EYA2: variants seen among roughly 807,000 people sequenced by gnomAD.
EYA2 encodes protein phosphatase EYA2.
A neutral mutation model predicts 69.2 loss-of-function variants in EYA2; 31 were observed. The ratio of observed to expected loss-of-function variants is 0.45; its 90% CI spans 0.34 to 0.60. The LOEUF is 0.60. EYA2 is among the 20% of genes least tolerant of loss of function. The pLI, the probability that EYA2 is intolerant of heterozygous loss-of-function variation, is 0.02. For synonymous variants in EYA2, 257 were observed against 279.4 expected (o/e 0.92, Z 0.80); for missense variants, 622 against 701.2 (o/e 0.89, Z 1.28).
intron 1 of EYA2, among the ~76,000 whole-genome samples, chr20:46,946,859 T>C (rs1978490907): frequency 6.6e-6 from 1 of 151,496 alleles, no homozygotes; most frequent in East Asian, 2.0e-4. Flanking sequence ...GAGTCAGTTC[T>C]TCTTACTGCA....
At chr20:46,907,495 G>C (rs560455058) in intron 1 of EYA2, among the ~76,000 whole-genome samples, 2 of 152,188 alleles carry the variant, frequency 1.3e-5, no homozygotes, top group Non-Finnish European at 2.9e-5. Flanking sequence ...CTTTCAAGAC[G>C]AGTGAGGGAT....
chr20:47,074,396 G>A (rs1216640215), intron 7 of EYA2, 61 bp downstream of exon 7: 1 of 1,551,570 alleles, frequency 6.4e-7, no homozygotes, highest in African/African-American at 1.4e-5. Flanking sequence ...TATGAAGGAG[G>A]GACCCGCACA....
intron 5 of EYA2, among the ~76,000 whole-genome samples, chr20:47,068,506 G>A (rs8122313): frequency 0.39 from 58,896 of 152,042 alleles, 12,567 homozygotes; most frequent in African/African-American, 0.58. Context: ...TGTGTACTAG[G>A]ATCTCCCAGA....
At chr20:47,056,415 T>A (rs892619206) in intron 5 of EYA2, among the ~76,000 whole-genome samples, 8 of 152,158 alleles carry the variant, frequency 5.3e-5, no homozygotes, top group East Asian at 1.9e-4. Context: ...TGAATTTTTT[T>A]AAATGACAAA....
rs1373137596 is a variant in EYA2, at chr20:46,904,932, A to T, written c.-11+9945A>T. ...TTCACAAAATAGAGACAGTCCTCCT[A>T]CTGCATAAAGTGGTGGTGGGAGTCT... On this transcript the variant is annotated intron_variant, in intron 1 of 15. Transcript: ENST00000327619. Among the ~76,000 whole-genome samples the T allele has an allele frequency of 9.8e-5, 15 of 152,300 alleles. No homozygotes were observed. In the East Asian group the frequency reaches 2.7e-3, roughly 27 times the overall value.
intron 1 of EYA2, among the ~76,000 whole-genome samples, chr20:46,984,035 T>C (rs553889917): frequency 3.3e-5 from 5 of 152,174 alleles, no homozygotes; most frequent in Non-Finnish European, 7.3e-5. Context: ...GTTTAATACA[T>C]ATTAGGAAAA....
chr20:46,987,978 A>ATATATATATATATATATATATATATATG (rs1981388090), intron 1 of EYA2, among the ~76,000 whole-genome samples: 1 of 55,432 alleles, frequency 1.8e-5, no homozygotes, highest in African/African-American at 9.3e-5. Context: ...ATATATATAT[A>ATATATATATATATATATATATATATATG]TATATATATA....
At chr20:47,111,637 T>C (rs1034468353) in intron 9 of EYA2, among the ~76,000 whole-genome samples, 1 of 152,198 alleles carries the variant, frequency 6.6e-6, no homozygotes, top group Non-Finnish European at 1.5e-5. Flanking sequence ...CTGTGAAAAG[T>C]GGGCAGCACT....
rs559436981 is a variant in EYA2, at chr20:47,066,371, C to G, written c.416-5814C>G. Among the ~76,000 whole-genome samples the G allele has an allele frequency of 2.0e-5, 3 of 152,194 alleles. 1 individual carries two copies. The South Asian group carries it at 6.2e-4, about 32-fold the overall frequency. On this transcript the variant is annotated intron_variant, in intron 5 of 15. Coordinates refer to ENST00000327619, the MANE Select transcript of EYA2 (RefSeq NM_005244.5). The stretch of plus-strand genomic sequence containing the variant: ...ATTTTACTGAGTCAGGCACTGGAGG[C>G]TACTTTTACTTAAAACCCAAGAAAA...
chr20:46,935,214 G>A (rs1985855666), intron 1 of EYA2, among the ~76,000 whole-genome samples: 1 of 152,232 alleles, frequency 6.6e-6, no homozygotes, highest in Non-Finnish European at 1.5e-5. Context: ...GCTCTTGTGT[G>A]ATGCTCCACC....
chr20:47,166,668 A>G (rs948075172), intron 10 of EYA2, among the ~76,000 whole-genome samples: 3 of 151,818 alleles, frequency 2.0e-5, no homozygotes, highest in Non-Finnish European at 4.4e-5. Context: ...ATCTTAACAC[A>G]GTGGTAGAAA....
At chr20:46,967,959 A>T (rs1052159676) in intron 1 of EYA2, among the ~76,000 whole-genome samples, 6 of 152,176 alleles carry the variant, frequency 3.9e-5, no homozygotes, top group African/African-American at 1.4e-4. Context: ...GGCTCTGCCC[A>T]AGGAGATGAA....
chr20:47,186,548 G>A (rs914897727), intron 15 of EYA2, among the ~76,000 whole-genome samples: 24 of 151,854 alleles, frequency 1.6e-4, no homozygotes, highest in African/African-American at 5.8e-4. Flanking sequence ...TAGTAGAGAT[G>A]GGGTTTCACC....
At chr20:47,165,071 G>A (rs964383190) in intron 10 of EYA2, among the ~76,000 whole-genome samples, 1 of 152,164 alleles carries the variant, frequency 6.6e-6, no homozygotes, top group African/African-American at 2.4e-5. Context: ...TAGCTCTTGA[G>A]CACTTGAAGT....
chr20:47,172,865 G>C lies in EYA2; in HGVS notation c.1196G>C (p.Gly399Ala). 2 of 1,610,964 alleles carry C rather than the reference G, an allele frequency of 1.2e-6. No homozygotes were observed. The part of the protein sequence containing the change: ...EMYNTYKNNV[G>A]GLIGTPKRET... ...TACAATACCTACAAGAACAACGTTG[G>C]TGGTGAGTACTGTGAGCCTTGGGCC... Residue 399 changes from glycine to alanine, a missense_variant and splice_region_variant, in exon 12 of 16, where the codon GGT (glycine) becomes GCT (alanine). Gly to Ala is a moderately conservative substitution (Grantham distance 60). Transcript: ENST00000327619.
At chr20:46,955,715 C>A (rs975114479) in intron 1 of EYA2, among the ~76,000 whole-genome samples, 10 of 152,198 alleles carry the variant, frequency 6.6e-5, no homozygotes, top group Non-Finnish European at 5.9e-5. Flanking sequence ...TCTCCACTTT[C>A]ATAATCTCGA....
intron 1 of EYA2, among the ~76,000 whole-genome samples, chr20:46,966,931 G>A (rs1979823977): frequency 1.3e-5 from 2 of 151,890 alleles, no homozygotes; most frequent in East Asian, 1.9e-4. Context: ...TACTTTTTTT[G>A]TATCAAGTCT....
chr20:46,987,305 T>C (rs985061391), intron 1 of EYA2, among the ~76,000 whole-genome samples: 1 of 152,220 alleles, frequency 6.6e-6, no homozygotes, highest in African/African-American at 2.4e-5. Flanking sequence ...TCACATATTA[T>C]GAAATAGTAT....
chr20:46,990,829 CTGTT>C (rs1981611296), intron 2 of EYA2, among the ~76,000 whole-genome samples: 1 of 152,140 alleles, frequency 6.6e-6, no homozygotes, highest in Non-Finnish European at 1.5e-5. Context: ...CCTTCATTAT[CTGTT>C]TGACACCAGC....
Sources: gnomAD v4.1 joint callset for allele counts (sites outside exome capture counted in the v4.1 genomes callset) on GRCh38, gnomAD v4.1.1 for gene constraint, MANE v1.5 for transcripts, NCBI Gene and HGNC (gene_info 2026-07-23, HGNC 2026-07-21) for gene names.